The following NADK2 variants were observed in gnomAD, a reference collection of about 807,000 sequenced individuals.
NADK2 encodes NAD kinase 2, mitochondrial, also known as NAD kinase domain-containing protein 1, mitochondrial.
NADK2 carries 35 observed loss-of-function variants against 62.1 expected under a neutral mutation model. The ratio of observed to expected loss-of-function variants is 0.56; its 90% confidence interval spans 0.43 to 0.75. The LOEUF is 0.75. NADK2 is among the 30% of genes least tolerant of loss of function. NADK2 has a pLI of 0.00. For synonymous variants in NADK2, 205 were observed against 207.9 expected, an observed-to-expected ratio of 0.99 and a Z score of 0.12; for missense variants, 439 against 561.3, an observed-to-expected ratio of 0.78 and a Z score of 2.20.
intron 1 of NADK2, among the ~76,000 whole-genome samples, chr5:36,234,919 G>C (rs971999497): frequency 2.6e-5 from 4 of 151,954 alleles, no homozygotes; most frequent in African/African-American, 9.7e-5. Flanking sequence ...TACTCCCATG[G>C]ATCACTTATA....
chr5:36,226,533 C>T lies in NADK2; in HGVS notation c.420G>A (p.Lys140=), dbSNP rs1477310306. Residue 140 remains lysine (K), a synonymous_variant, in exon 3 of 12, where the codon AAG becomes AAA. Coordinates refer to ENST00000381937, the MANE Select transcript of NADK2 (RefSeq NM_001085411.3). The part of the protein sequence containing the change: ...RNEGIEVRLV[K]RREYDEETVR... ...CAGTCTCTTCATCATATTCTCTCCTCTTTACTAGACGAACCTCAATTCCCT... is the reference window on the plus strand; with the variant it reads ...CAGTCTCTTCATCATATTCTCTCCTTTTTACTAGACGAACCTCAATTCCCT... 2.5e-6 allele frequency: 4 copies of T among 1,612,844 alleles called. No homozygotes were observed. The highest frequency in any genetic ancestry group is 2.7e-5 in the African/African-American group (2 of 74,890).
chr5:36,225,507 C>T (rs758774461), intron 4 of NADK2, 35 bp downstream of exon 4: 4 of 1,576,750 alleles, frequency 2.5e-6, no homozygotes, highest in Non-Finnish European at 8.7e-7. Context: ...AAGCACACCA[C>T]ACAAATCAAA....
chr5:36,220,488 A>G (rs1747223823), intron 4 of NADK2, among the ~76,000 whole-genome samples: 1 of 152,244 alleles, frequency 6.6e-6, no homozygotes, highest in Admixed American at 6.5e-5. Context: ...TCCTGATAAT[A>G]AATGTAAATC....
intron 1 of NADK2, among the ~76,000 whole-genome samples, chr5:36,231,253 T>C (rs551643330): frequency 6.6e-6 from 1 of 152,266 alleles, no homozygotes; most frequent in South Asian, 2.1e-4. Flanking sequence ...GAGAAAAAGT[T>C]TTGGAGAACT....
At chr5:36,201,657 T>C (rs532413755) in intron 8 of NADK2, among the ~76,000 whole-genome samples, 119 of 152,114 alleles carry the variant, frequency 7.8e-4, no homozygotes, top group African/African-American at 2.7e-3. Context: ...GTATATGTTG[T>C]TTCATTTTAA....
At chr5:36,220,763 A>G (rs544201606) in intron 4 of NADK2, among the ~76,000 whole-genome samples, 1 of 152,344 alleles carries the variant, frequency 6.6e-6, no homozygotes, top group East Asian at 1.9e-4. Context: ...GTCAGATATC[A>G]GCTAGGGCGG....
At position 36,241,411 on chromosome 5, in the gene NADK2, C is replaced by G. The variant is rs1053907249; in HGVS notation, c.300+88G>C. 7.8e-6 allele frequency: 11 copies of G among 1,410,082 alleles called. No individual in the cohort carries two copies. Among genetic ancestry groups the G allele is most frequent in the Non-Finnish European group, 1.0e-5 (11 of 1,085,202 alleles). The allele number at this position is 1,410,082 out of a possible 1,614,324, so 87.3% of individuals were successfully genotyped here. A position where few individuals can be genotyped will look rare whatever the true frequency, so the allele number is the denominator to read the frequency against. The stretch of plus-strand genomic sequence containing the variant: ...GCATCTGCGGTGCCCTGGGAAGAGT[C>G]GTCCCGAGAGGTCCCCCCGAGGGGG... On this transcript the variant is annotated intron_variant, in intron 1 of 11. Coordinates refer to ENST00000381937, the MANE Select transcript of NADK2 (RefSeq NM_001085411.3). This position sits in a 1 kb window ranked among gnomAD's most constrained non-coding sequence, Gnocchi z 4.9.
intron 6 of NADK2, among the ~76,000 whole-genome samples, chr5:36,212,555 C>T (rs980450034): frequency 1.3e-5 from 2 of 152,090 alleles, no homozygotes; most frequent in African/African-American, 4.8e-5. Flanking sequence ...CAAAGGATTC[C>T]CAGTGCTTTC....
At chr5:36,206,726 A>G (rs6863707) in intron 8 of NADK2, among the ~76,000 whole-genome samples, 140,641 of 152,034 alleles carry the variant, frequency 0.93, 65,535 homozygotes, top group Non-Finnish European at 0.98. Flanking sequence ...GGAGGCATTT[A>G]TGTGGAATGT....
chr5:36,212,892 T>C (rs1307151470), intron 6 of NADK2: 5 of 152,196 alleles, frequency 3.3e-5, no homozygotes, highest in African/African-American at 9.7e-5. Context: ...TCCCACATCA[T>C]ACTAGGGTTG....
At chr5:36,201,876 C>T (rs943216020) in intron 8 of NADK2, among the ~76,000 whole-genome samples, 1 of 152,008 alleles carries the variant, frequency 6.6e-6, no homozygotes, top group Non-Finnish European at 1.5e-5. Context: ...TTAGTACAAA[C>T]ATGGATAACT....
chr5:36,207,324 GTCT>G, intron 7 of NADK2, 59 bp from the exon 8 acceptor site: 1 of 1,224,982 alleles, frequency 8.2e-7, no homozygotes, highest in South Asian at 1.3e-5. Context: ...AAATAAGAGA[GTCT>G]TCTTCAGAAC....
In NADK2 at chr5:36,217,810, T is replaced by A. The variant is rs780350350; in HGVS notation, c.719A>T (p.Glu240Val). The change falls in exon 6 of 12, where the codon GAG becomes GTG. Residue 240 changes from glutamate to valine, a missense_variant. Physicochemically the swap from Glu to Val is moderately radical, Grantham distance 121. Coordinates refer to ENST00000381937, the MANE Select transcript of NADK2 (RefSeq NM_001085411.3). ...GTGCTGATTCAAGCTTAGCTGCTGC[T>A]CGTGAAGGTCCACAGGTACAGGGTT... ...GINPVPVDLH[E>V]QQLSLNQHNR... 6.2e-7 allele frequency: 1 copy of A among 1,614,024 alleles called. No individual in the cohort carries two copies. Among genetic ancestry groups the A allele is most frequent in the Admixed American group, 1.7e-5 (1 of 60,008 alleles).
At chr5:36,206,400 G>A (rs889090377) in intron 8 of NADK2, among the ~76,000 whole-genome samples, 1 of 151,552 alleles carries the variant, frequency 6.6e-6, no homozygotes, top group Non-Finnish European at 1.5e-5. Context: ...CACTAAAAAG[G>A]TGCAGGCTTG....
intron 1 of NADK2, among the ~76,000 whole-genome samples, chr5:36,234,424 G>GTTTTGAAACCAAT (rs1747827799): frequency 6.8e-6 from 1 of 147,518 alleles, no homozygotes; most frequent in African/African-American, 2.5e-5. Context: ...ACACAGATAA[G>GTTTTGAAACCAAT]TTTTGAAACC....
chr5:36,230,253 C>T (rs567282429), intron 1 of NADK2, among the ~76,000 whole-genome samples: 2 of 152,274 alleles, frequency 1.3e-5, no homozygotes, highest in Non-Finnish European at 2.9e-5. Context: ...TCTCTTTGGT[C>T]TATTTTCACC....
Position 36,212,222 on chromosome 5 carries a change from T to TA in NADK2, c.782-301dup, listed in dbSNP as rs1263748864. 5.3e-5 allele frequency: 10 copies of TA among 189,534 alleles called. No homozygotes were observed. In the Admixed American group the frequency reaches 6.0e-4, roughly 11 times the overall value. The allele number at this position is 189,534 out of a possible 1,614,324, so 11.7% of individuals were successfully genotyped here. On this transcript the variant is annotated intron_variant, in intron 6 of 11. Transcript: ENST00000381937. ...ATCCATCTCAAAAGATTCTTGTTGT[T>TA]ACACTTAATTTTATCTTGGAAGCTT...
chr5:36,202,393 T>C (rs1579599712), intron 8 of NADK2, among the ~76,000 whole-genome samples: 1 of 152,074 alleles, frequency 6.6e-6, no homozygotes, highest in Non-Finnish European at 1.5e-5. Context: ...TTGAAACATA[T>C]GGTGATCTGG....
rs1161161598 is a variant in NADK2, at chr5:36,219,638, G to GAA, written c.600_601dup (p.Ser201PhefsTer32). Reference sequence around the variant, plus strand: ...GAACTTCTGTAAGGCTTCTGGAAAGGAATGTGTATATCGAACGGGCAGGCA... The same window carrying GAA: ...GAACTTCTGTAAGGCTTCTGGAAAGGAAAATGTGTATATCGAACGGGCAGGCA... On this transcript the variant is annotated frameshift_variant, in exon 5 of 12. Coordinates refer to ENST00000381937, the MANE Select transcript of NADK2 (RefSeq NM_001085411.3). LOFTEE classifies it high-confidence loss of function. 1.9e-6 allele frequency: 3 copies of GAA among 1,613,948 alleles called. No homozygotes were observed. The Admixed American group carries it at 5.0e-5, about 27-fold the overall frequency.
Sources: gnomAD v4.1 joint callset for allele counts (sites outside exome capture counted in the v4.1 genomes callset) on GRCh38, gnomAD v4.1.1 for gene constraint, Gnocchi (gnomAD v3.1) non-coding constraint, MANE v1.5 for transcripts, NCBI Gene and HGNC (gene_info 2026-07-23, HGNC 2026-07-21) for gene names.